LPIN1: variants seen among roughly 807,000 people sequenced by gnomAD.
LPIN1 encodes lipin 1, also known as phosphatidate phosphatase LPIN1.
Under a neutral mutation model 107.5 loss-of-function variants are expected in LPIN1, and 71 were observed. That is an observed-to-expected ratio of 0.66 (90% CI 0.55 to 0.80). LPIN1 has a LOEUF of 0.80. Among genes scored for constraint, LPIN1 ranks in the 30% least tolerant of loss-of-function variants. The pLI, the probability that LPIN1 is intolerant of heterozygous loss-of-function variation, is 0.00. For synonymous variants in LPIN1, 445 were observed against 452.6 expected (o/e 0.98, Z 0.21); for missense variants, 1,043 against 1,160.6 (o/e 0.90, Z 1.47).
upstream of LPIN1, among the ~76,000 whole-genome samples, chr2:11,719,523 T>C (rs770328600): frequency 1.3e-5 from 2 of 152,246 alleles, no homozygotes; most frequent in Non-Finnish European, 2.9e-5. Context: ...CTTTCCAAAT[T>C]TGATGAAGTA....
chr2:11,709,252 G>T (rs77603217), intron 1 of LPIN1, among the ~76,000 whole-genome samples: 5,830 of 152,284 alleles, frequency 0.038, 386 homozygotes, highest in African/African-American at 0.13. Context: ...AAGAAAGGGG[G>T]TATCATTGTT....
intron 1 of LPIN1, chr2:11,677,796 C>A: frequency 7.5e-7 from 1 of 1,340,874 alleles, no homozygotes; most frequent in Non-Finnish European, 1.0e-6. Context: ...CCCCAGGTGC[C>A]CGCGTACTGA....
rs527990490 is a variant in LPIN1, at chr2:11,731,406, A to G, written c.-72+6867A>G. Among the ~76,000 whole-genome samples the G allele has an allele frequency of 2.6e-5, 4 of 152,294 alleles. No individual in the cohort carries two copies. In the South Asian group the frequency reaches 6.2e-4, roughly 24 times the overall value. On this transcript the variant is annotated intron_variant, in intron 1 of 21. Transcript: ENST00000396097. ...ATGTCCCTGCAAAGGACATGAGCTC[A>G]TTCTTTTTCATGGCTGCATAGTATT...
intron 12 of LPIN1, among the ~76,000 whole-genome samples, chr2:11,790,669 T>C (rs914345678): frequency 2.0e-5 from 3 of 151,432 alleles, no homozygotes; most frequent in Non-Finnish European, 4.4e-5. Flanking sequence ...GTGTATTAAC[T>C]AACCCTATCC....
chr2:11,749,876 A>G (rs1667527245), intron 1 of LPIN1, among the ~76,000 whole-genome samples: 1 of 152,258 alleles, frequency 6.6e-6, no homozygotes, highest in Non-Finnish European at 1.5e-5. Flanking sequence ...GATTCTTGCA[A>G]CAACTTAAAA....
chr2:11,680,234 T>C (rs1661641335), intron 1 of LPIN1, among the ~76,000 whole-genome samples: 1 of 152,128 alleles, frequency 6.6e-6, no homozygotes, highest in African/African-American at 2.4e-5. Flanking sequence ...TCAGCCACCA[T>C]AGGGCTGTTT....
chr2:11,733,295 G>C (rs950418263), intron 1 of LPIN1, among the ~76,000 whole-genome samples: 8 of 152,154 alleles, frequency 5.3e-5, no homozygotes, highest in African/African-American at 1.9e-4. Context: ...TCCCAGGAAT[G>C]TTTTAACACC....
chr2:11,815,335 T>G, intron 18 of LPIN1, 95 bp downstream of exon 18: 3 of 1,430,492 alleles, frequency 2.1e-6, no homozygotes, highest in Non-Finnish European at 2.9e-6. Flanking sequence ...TCCTCACTGG[T>G]CTTCTGCCCC....
intron 1 of LPIN1, among the ~76,000 whole-genome samples, chr2:11,690,077 T>C (rs1662196234): frequency 6.6e-6 from 1 of 152,192 alleles, no homozygotes; most frequent in Non-Finnish European, 1.5e-5. Context: ...GTTTTTGTTT[T>C]AAAGAAAACC....
At chr2:11,733,496 TCTC>T (rs1295403571) in intron 1 of LPIN1, among the ~76,000 whole-genome samples, 16 of 150,036 alleles carry the variant, frequency 1.1e-4, no homozygotes, top group East Asian at 3.9e-4. Context: ...TCTCTCTCTC[TCTC>T]TTTTTTTTTT....
rs4129755 is a variant in LPIN1 at position 11,783,549 on chromosome 2, A to G, written c.1265-280A>G. Among the ~76,000 whole-genome samples, 8,100 of 152,232 alleles carry G rather than the reference A, an allele frequency of 0.053. 497 individuals carry two copies. Among genetic ancestry groups the G allele is most frequent in the African/African-American group, 0.15 (6,197 of 41,524 alleles). ...CTCGGTACCTACAAGTGTGACCTCA[A>G]TCCACTCTTTCTCCAGCAACATCAT... On this transcript the variant is annotated intron_variant, in intron 8 of 20. Transcript: ENST00000674199.
exon 1 of LPIN1, chr2:11,724,490 C>T: frequency 1.0e-6 from 1 of 985,800 alleles, no homozygotes; most frequent in South Asian, 4.7e-5. Flanking sequence ...GCCCAGCCTG[C>T]TGAGAACTAG....
intron 17 of LPIN1, among the ~76,000 whole-genome samples, chr2:11,809,535 G>A (rs896311681): frequency 6.6e-6 from 1 of 152,152 alleles, no homozygotes; most frequent in African/African-American, 2.4e-5. Context: ...TCCTGCCTCA[G>A]CCTCCCAAGT....
chr2:11,806,081 G>A (rs762175071), intron 17 of LPIN1, among the ~76,000 whole-genome samples: 2 of 152,220 alleles, frequency 1.3e-5, no homozygotes, highest in African/African-American at 2.4e-5. Flanking sequence ...CGGTCTCTCC[G>A]TGGGTGAGGT....
chr2:11,772,746 AGG>A (rs1672059179), intron 4 of LPIN1, among the ~76,000 whole-genome samples: 1 of 152,190 alleles, frequency 6.6e-6, no homozygotes, highest in Non-Finnish European at 1.5e-5. Context: ...TTCATTTTGA[AGG>A]ATATTTGATG....
intron 1 of LPIN1, among the ~76,000 whole-genome samples, chr2:11,680,832 C>T (rs957308057): frequency 2.0e-5 from 3 of 152,058 alleles, no homozygotes; most frequent in Non-Finnish European, 4.4e-5. Flanking sequence ...AGTCACGGGC[C>T]GAATATGTAA....
chr2:11,753,720 T>C (rs979687227), intron 1 of LPIN1, among the ~76,000 whole-genome samples: 1 of 152,244 alleles, frequency 6.6e-6, no homozygotes, highest in Admixed American at 6.5e-5. Context: ...CACAATGCTC[T>C]GAAAAGACTT....
intron 1 of LPIN1, among the ~76,000 whole-genome samples, chr2:11,757,141 A>G (rs1339220397): frequency 6.6e-6 from 1 of 152,216 alleles, no homozygotes; most frequent in Non-Finnish European, 1.5e-5. Context: ...TTGAGATTAA[A>G]GTCAGTAGGT....
At chr2:11,750,140 C>A (rs189022138) in intron 1 of LPIN1, among the ~76,000 whole-genome samples, 11 of 152,282 alleles carry the variant, frequency 7.2e-5, no homozygotes, top group Admixed American at 1.3e-4. Flanking sequence ...TGCCCTCTGT[C>A]CCCTAGCCAC....
Sources: gnomAD v4.1 joint callset for allele counts (sites outside exome capture counted in the v4.1 genomes callset) on GRCh38, gnomAD v4.1.1 for gene constraint, MANE v1.5 for transcripts, NCBI Gene and HGNC (gene_info 2026-07-23, HGNC 2026-07-21) for gene names.